The following MICU1 variants were observed in gnomAD, a reference collection of about 807,000 sequenced individuals.
MICU1 encodes the protein calcium uptake protein 1, mitochondrial.
MICU1 carries 45 observed loss-of-function variants against 56.8 expected under a neutral mutation model. The ratio of observed to expected loss-of-function variants is 0.79; its 90% CI spans 0.62 to 1.02. MICU1 has a LOEUF of 1.02. Among genes scored for constraint, MICU1 ranks in the 50% least tolerant of loss-of-function variants. MICU1 has a pLI of 0.00. For missense variants in MICU1, 504 were observed against 587.1 expected (o/e 0.86, Z 1.46); for synonymous variants, 186 against 195.1 (o/e 0.95, Z 0.39).
intron 1 of MICU1, among the ~76,000 whole-genome samples, chr10:72,621,054 T>C (rs1422040089): frequency 9.9e-5 from 15 of 152,000 alleles, no homozygotes; most frequent in African/African-American, 3.6e-4. Context: ...GAGACCCCGT[T>C]TCTACAGAAA....
intron 8 of MICU1, among the ~76,000 whole-genome samples, chr10:72,441,273 A>C (rs1864916383): frequency 6.6e-6 from 1 of 152,070 alleles, no homozygotes; most frequent in Non-Finnish European, 1.5e-5. Context: ...GCTGGAAACC[A>C]TCATTCTCAG....
intron 10 of MICU1, among the ~76,000 whole-genome samples, chr10:72,403,846 G>A (rs1321380254): frequency 5.9e-5 from 9 of 151,852 alleles, no homozygotes; most frequent in East Asian, 5.8e-4. Context: ...TAGTAGAGAC[G>A]GGGTTTCACT....
intron 10 of MICU1, among the ~76,000 whole-genome samples, chr10:72,385,421 C>T (rs1208918362): frequency 4.6e-5 from 7 of 151,862 alleles, no homozygotes; most frequent in South Asian, 4.2e-4. Flanking sequence ...ACCCAGGAGG[C>T]GGAGGTTGTA....
chr10:72,452,621 T>C (rs1395893042), intron 8 of MICU1, among the ~76,000 whole-genome samples: 1 of 152,308 alleles, frequency 6.6e-6, no homozygotes, highest in East Asian at 1.9e-4. Context: ...TGGTATTCAG[T>C]ACAGTAACAT....
chr10:72,477,456 A>C (rs1188658689), intron 6 of MICU1, 200 bp from the exon 7 acceptor site: 2 of 1,481,348 alleles, frequency 1.4e-6, no homozygotes, highest in African/African-American at 2.8e-5. Context: ...ACCAAAAAAG[A>C]GTAGTACTAC....
intron 9 of MICU1, among the ~76,000 whole-genome samples, chr10:72,410,248 A>G (rs1863765736): frequency 1.3e-5 from 2 of 152,084 alleles, no homozygotes; most frequent in Admixed American, 1.3e-4. Flanking sequence ...TTGTTTATCC[A>G]TTCTATTTGG....
chr10:72,369,907 G>C (rs1862272788), intron 11 of MICU1, among the ~76,000 whole-genome samples: 1 of 151,970 alleles, frequency 6.6e-6, no homozygotes, highest in Non-Finnish European at 1.5e-5. Context: ...TTGAGACGGA[G>C]TCTCACTCTG....
At chr10:72,574,154 C>T (rs1840684582) in intron 1 of MICU1, among the ~76,000 whole-genome samples, 2 of 152,182 alleles carry the variant, frequency 1.3e-5, no homozygotes, top group Admixed American at 1.3e-4. Context: ...TTGTTGAAAG[C>T]AGCACCTGCT....
chr10:72,512,681 G>T (rs1867510747), intron 5 of MICU1, among the ~76,000 whole-genome samples: 1 of 92,258 alleles, frequency 1.1e-5, no homozygotes, highest in African/African-American at 3.6e-5. Flanking sequence ...CTATGTTTTT[G>T]GTTTTTGTTT....
At chr10:72,381,582 G>A (rs1862704757) in intron 10 of MICU1, among the ~76,000 whole-genome samples, 1 of 152,152 alleles carries the variant, frequency 6.6e-6, no homozygotes, top group Non-Finnish European at 1.5e-5. Context: ...ACAATTCCTT[G>A]TTCTGTACGG....
chr10:72,547,236 G>A (rs564162535), intron 4 of MICU1, among the ~76,000 whole-genome samples: 1 of 151,820 alleles, frequency 6.6e-6, no homozygotes, highest in African/African-American at 2.4e-5. Flanking sequence ...ACAGGGTCTC[G>A]CTATGTTACT....
intron 1 of MICU1, among the ~76,000 whole-genome samples, chr10:72,593,601 T>C (rs73282774): frequency 0.059 from 8,909 of 151,316 alleles, 886 homozygotes; most frequent in African/African-American, 0.2. Context: ...ACAGACGACA[T>C]GATCTTATAT....
chr10:72,498,562 G>A (rs921366145), intron 6 of MICU1, among the ~76,000 whole-genome samples: 5 of 151,986 alleles, frequency 3.3e-5, no homozygotes, highest in South Asian at 2.1e-4. Context: ...CTCCAGCCTC[G>A]GTGACAGAAT....
At chr10:72,370,240 A>C (rs1329447497) in intron 11 of MICU1, among the ~76,000 whole-genome samples, 3 of 152,094 alleles carry the variant, frequency 2.0e-5, no homozygotes, top group Non-Finnish European at 4.4e-5. Flanking sequence ...GTAATAGCAG[A>C]GGTACAGTCA....
At chr10:72,478,501 T>A (rs1416792388) in intron 6 of MICU1, among the ~76,000 whole-genome samples, 1 of 152,202 alleles carries the variant, frequency 6.6e-6, no homozygotes, top group East Asian at 1.9e-4. Context: ...AAATAAATAT[T>A]CTATGTGTCC....
intron 8 of MICU1, among the ~76,000 whole-genome samples, chr10:72,462,455 C>T (rs2132239544): frequency 6.6e-6 from 1 of 152,182 alleles, no homozygotes; most frequent in Non-Finnish European, 1.5e-5. Context: ...TCATGGTAAG[C>T]TCTCAGGAAG....
intron 1 of MICU1, among the ~76,000 whole-genome samples, chr10:72,572,792 A>T (rs566806788): frequency 4.1e-4 from 63 of 152,260 alleles, no homozygotes; most frequent in African/African-American, 1.5e-3. Context: ...ACGGGCAAAA[A>T]TCAAAAAGTT....
chr10:72,396,059 T>C (rs1481117036), intron 10 of MICU1, among the ~76,000 whole-genome samples: 1 of 152,154 alleles, frequency 6.6e-6, no homozygotes, highest in East Asian at 1.9e-4. Context: ...GGCGGCTGCC[T>C]CTCTGGGAGG....
At chr10:72,457,990 A>G (rs946149626) in intron 8 of MICU1, among the ~76,000 whole-genome samples, 1 of 151,882 alleles carries the variant, frequency 6.6e-6, no homozygotes, top group African/African-American at 2.4e-5. Flanking sequence ...CCAACATGGT[A>G]AAACCCTGTC....
Sources: gnomAD v4.1 joint callset for allele counts (sites outside exome capture counted in the v4.1 genomes callset) on GRCh38, gnomAD v4.1.1 for gene constraint, MANE v1.5 for transcripts, NCBI Gene and HGNC (gene_info 2026-07-23, HGNC 2026-07-21) for gene names.